The following NR2F1-AS1 variants were observed in gnomAD, a reference collection of about 807,000 sequenced individuals.
The protein encoded by NR2F1-AS1 is NR2F1 regulatory antisense RNA 1, also known as NR2F1 antisense RNA 1.
intron 1 of NR2F1-AS1, among the ~76,000 whole-genome samples, chr5:93,566,818 T>C (rs1328291731): frequency 6.6e-6 from 1 of 151,972 alleles, no homozygotes; most frequent in African/African-American, 2.4e-5. Context: ...ACTTAGTTTA[T>C]ACAAATGAAA....
chr5:93,510,376 A>G (rs1751270450), intron 4 of NR2F1-AS1, among the ~76,000 whole-genome samples: 2 of 152,146 alleles, frequency 1.3e-5, no homozygotes, highest in Admixed American at 1.3e-4. Context: ...CCTTTGTATC[A>G]AAGTGTCAAA....
chr5:93,466,166 CA>C (rs1200823832), intron 4 of NR2F1-AS1, among the ~76,000 whole-genome samples: 2 of 152,054 alleles, frequency 1.3e-5, no homozygotes, highest in African/African-American at 4.8e-5. Flanking sequence ...GCCTTCGCAA[CA>C]GAATGAAGAC....
chr5:93,561,543 C>T (rs1000269873), intron 2 of NR2F1-AS1, among the ~76,000 whole-genome samples: 2 of 151,102 alleles, frequency 1.3e-5, no homozygotes, highest in South Asian at 2.1e-4. Context: ...GAGGCCAAAG[C>T]GGGAGGTTCG....
At chr5:93,533,844 C>A (rs1344175305) in intron 4 of NR2F1-AS1, among the ~76,000 whole-genome samples, 1 of 152,116 alleles carries the variant, frequency 6.6e-6, no homozygotes, top group Non-Finnish European at 1.5e-5. Flanking sequence ...CAAAACATAG[C>A]CTCTAGGCCA....
At chr5:93,472,345 A>G (rs965966975) in intron 4 of NR2F1-AS1, among the ~76,000 whole-genome samples, 1 of 151,884 alleles carries the variant, frequency 6.6e-6, no homozygotes, top group African/African-American at 2.4e-5. Context: ...TAAGAGAAAG[A>G]CAAATGTTTT....
upstream of NR2F1-AS1, chr5:93,585,013 G>A (rs757189254): frequency 2.0e-6 from 2 of 1,003,192 alleles, no homozygotes; most frequent in Admixed American, 5.7e-5. Flanking sequence ...GCGCTCCCCG[G>A]GCCCAAAGAT....
At chr5:93,510,984 T>C (rs1444314852) in intron 4 of NR2F1-AS1, among the ~76,000 whole-genome samples, 1 of 152,202 alleles carries the variant, frequency 6.6e-6, no homozygotes, top group Admixed American at 6.6e-5. Flanking sequence ...CTTCTACTTG[T>C]TAATTTTTTT....
At chr5:93,468,809 G>A (rs1050618014) in intron 4 of NR2F1-AS1, among the ~76,000 whole-genome samples, 3 of 152,088 alleles carry the variant, frequency 2.0e-5, no homozygotes, top group Admixed American at 6.6e-5. Flanking sequence ...AATCCATCTT[G>A]AGTTAATTTT....
At chr5:93,444,463 A>G (rs1419306821) in intron 4 of NR2F1-AS1, among the ~76,000 whole-genome samples, 1 of 152,212 alleles carries the variant, frequency 6.6e-6, no homozygotes, top group Non-Finnish European at 1.5e-5. Context: ...AGGCCATTAT[A>G]TAATTGTAAA....
intron 4 of NR2F1-AS1, among the ~76,000 whole-genome samples, chr5:93,469,176 C>T (rs184263315): frequency 1.3e-5 from 2 of 152,016 alleles, no homozygotes; most frequent in African/African-American, 2.4e-5. Flanking sequence ...TAGGTGGTTT[C>T]GTCATTGTGT....
chr5:93,538,859 T>C (rs1751893018), intron 4 of NR2F1-AS1, among the ~76,000 whole-genome samples: 1 of 152,220 alleles, frequency 6.6e-6, no homozygotes. Flanking sequence ...CTTGTTTCTA[T>C]CAATTAGCCT....
chr5:93,476,596 T>A (rs1311116654), intron 4 of NR2F1-AS1, among the ~76,000 whole-genome samples: 1 of 152,198 alleles, frequency 6.6e-6, no homozygotes, highest in African/African-American at 2.4e-5. Context: ...TAATATACAT[T>A]AACAACTTAA....
At chr5:93,485,403 T>C (rs528367785) in intron 4 of NR2F1-AS1, among the ~76,000 whole-genome samples, 1 of 152,274 alleles carries the variant, frequency 6.6e-6, no homozygotes, top group South Asian at 2.1e-4. Context: ...TTAAGTTCTT[T>C]GAAACCAATG....
At chr5:93,584,184 G>C (rs1048820229), upstream of NR2F1-AS1, 1 of 148,708 alleles carries the variant, frequency 6.7e-6, no homozygotes, top group Non-Finnish European at 1.5e-5. Context: ...GGGCGGCCCC[G>C]GCCTCCGCTC....
intron 4 of NR2F1-AS1, among the ~76,000 whole-genome samples, chr5:93,500,476 A>C (rs1751056403): frequency 6.6e-6 from 1 of 152,146 alleles, no homozygotes; most frequent in Admixed American, 6.6e-5. Flanking sequence ...GGGGAAAAAA[A>C]AAAAGATTCC....
upstream of NR2F1-AS1, among the ~76,000 whole-genome samples, chr5:93,582,578 T>C (rs750927129): frequency 2.0e-5 from 3 of 152,222 alleles, no homozygotes; most frequent in Non-Finnish European, 2.9e-5. Flanking sequence ...TCACAAATCA[T>C]TAAAATGGTG....
chr5:93,415,861 T>C (rs1467269502), intron 4 of NR2F1-AS1, among the ~76,000 whole-genome samples: 1 of 152,208 alleles, frequency 6.6e-6, no homozygotes, highest in Non-Finnish European at 1.5e-5. Context: ...AGATGGGCAC[T>C]TTTTTTGCTT....
chr5:93,455,719 C>T (rs1580239388), intron 4 of NR2F1-AS1, among the ~76,000 whole-genome samples: 1 of 151,892 alleles, frequency 6.6e-6, no homozygotes. Context: ...TATTAAGTAA[C>T]ACACACATAT....
At chr5:93,464,887 A>G (rs1750192102) in intron 4 of NR2F1-AS1, among the ~76,000 whole-genome samples, 1 of 152,226 alleles carries the variant, frequency 6.6e-6, no homozygotes, top group Admixed American at 6.5e-5. Flanking sequence ...CACCTATTCC[A>G]TCATGGTTCT....
Sources: gnomAD v4.1 joint callset for allele counts (sites outside exome capture counted in the v4.1 genomes callset) on GRCh38, gnomAD v4.1.1 for gene constraint, MANE v1.5 for transcripts, NCBI Gene and HGNC (gene_info 2026-07-23, HGNC 2026-07-21) for gene names.